The following TANC1 variants were observed in gnomAD, a reference collection of about 807,000 sequenced individuals.
TANC1 encodes protein TANC1.
TANC1 carries 77 observed loss-of-function variants against 149.7 expected under a neutral mutation model. That is an observed-to-expected ratio of 0.51 (90% CI 0.43 to 0.62). The LOEUF (loss-of-function observed/expected upper bound fraction) is 0.62, where lower values mean the gene tolerates loss of function less well. TANC1 is among the 20% of genes least tolerant of loss of function. TANC1 has a pLI of 0.00. For missense variants in TANC1, 1,985 were observed against 2,321.8 expected (o/e 0.85, Z 2.98); for synonymous variants, 854 against 925.0 (o/e 0.92, Z 1.39).
At position 159,216,624 on chromosome 2, in the gene TANC1, G is replaced by A. The variant is rs552187541; in HGVS notation, c.3245-873G>A. Among the ~76,000 whole-genome samples the A allele has an allele frequency of 2.4e-3, 363 of 152,278 alleles. 2 individuals carry two copies. Among genetic ancestry groups the A allele is most frequent in the Non-Finnish European group, 4.7e-3 (318 of 68,028 alleles). On this transcript the variant is annotated intron_variant, in intron 19 of 26. Coordinates refer to ENST00000263635, the MANE Select transcript of TANC1 (RefSeq NM_033394.3). ...AGTGGGGATGCCCAGGCTGACGGGAGGGTGTCGTGAGTACCCCGCCTCGTT... is the reference window on the plus strand; with the variant it reads ...AGTGGGGATGCCCAGGCTGACGGGAAGGTGTCGTGAGTACCCCGCCTCGTT...
chr2:159,084,298 T>C (rs374472122), intron 3 of TANC1, among the ~76,000 whole-genome samples: 130 of 150,158 alleles, frequency 8.7e-4, no homozygotes, highest in South Asian at 4.9e-3. Flanking sequence ...CACTCCTAGC[T>C]CCCCCCCCAA....
chr2:158,998,775 C>T (rs924852410), intron 1 of TANC1, among the ~76,000 whole-genome samples: 36 of 152,298 alleles, frequency 2.4e-4, no homozygotes, highest in Admixed American at 2.0e-3. Context: ...AACTGAGCTA[C>T]TAAAGTTGTA....
chr2:158,985,051 G>C (rs923714819), intron 1 of TANC1, among the ~76,000 whole-genome samples: 3 of 152,186 alleles, frequency 2.0e-5, no homozygotes, highest in African/African-American at 7.2e-5. Context: ...GTGTGGAGGA[G>C]AGACTGGCGT....
At chr2:158,998,964 A>T (rs2036389734) in intron 1 of TANC1, among the ~76,000 whole-genome samples, 1 of 152,190 alleles carries the variant, frequency 6.6e-6, no homozygotes, top group African/African-American at 2.4e-5. Flanking sequence ...TTATGCAGAA[A>T]GGACAGAAAT....
chr2:159,225,545 C>A, intron 23 of TANC1, 143 bp from the exon 24 acceptor site: 1 of 657,858 alleles, frequency 1.5e-6, no homozygotes, highest in African/African-American at 1.8e-5. Context: ...GCCTCGCCGG[C>A]GTCCTGCTCC....
At chr2:159,155,948 C>A (rs2150354635) in intron 7 of TANC1, among the ~76,000 whole-genome samples, 1 of 152,290 alleles carries the variant, frequency 6.6e-6, no homozygotes, top group East Asian at 1.9e-4. Flanking sequence ...TCTCCTACCT[C>A]CTGCTAGGCT....
At chr2:159,102,367 C>T (rs2046808674) in intron 4 of TANC1, among the ~76,000 whole-genome samples, 1 of 151,514 alleles carries the variant, frequency 6.6e-6, no homozygotes, top group Non-Finnish European at 1.5e-5. Context: ...GTAGCCTCAA[C>T]CTCCTGGGCT....
intron 1 of TANC1, among the ~76,000 whole-genome samples, chr2:158,977,319 T>C (rs1041960163): frequency 6.6e-6 from 1 of 150,538 alleles, no homozygotes; most frequent in South Asian, 2.1e-4. Context: ...TAAAAAAAAA[T>C]TTTTTTTTTG....
In TANC1 at chr2:159,027,380, A is replaced by G. The variant is rs539768929; in HGVS notation, c.-16+26191A>G. ...CACAAAGACCTAGGACATGGACACAATTTAGCCAAGCTTGTTGCTACTTTG... is the reference window on the plus strand; with the variant it reads ...CACAAAGACCTAGGACATGGACACAGTTTAGCCAAGCTTGTTGCTACTTTG... On this transcript the variant is annotated intron_variant, in intron 2 of 26. Coordinates refer to ENST00000263635, the MANE Select transcript of TANC1 (RefSeq NM_033394.3). Among the ~76,000 whole-genome samples the G allele has an allele frequency of 4.3e-4, 65 of 152,330 alleles. 1 individual carries two copies. The South Asian group carries it at 0.012, about 29-fold the overall frequency.
chr2:159,153,959 C>A (rs1195066707), intron 7 of TANC1, among the ~76,000 whole-genome samples: 1 of 152,196 alleles, frequency 6.6e-6, no homozygotes, highest in Non-Finnish European at 1.5e-5. Context: ...TTTGGAAGAC[C>A]TAACAGTGGC....
chr2:159,224,186 G>A (rs1414875107), intron 22 of TANC1, 46 bp from the exon 23 acceptor site: 1 of 1,611,086 alleles, frequency 6.2e-7, no homozygotes, highest in Admixed American at 1.7e-5. Context: ...GTGCGCCCCT[G>A]AACTCCTGTT....
In TANC1 at chr2:159,178,764, ACCTGTACCTCAAGCTCAC is replaced by A; in HGVS notation, c.2116_2133del (p.Tyr706_Leu711del). The A allele has an allele frequency of 6.2e-7, 1 of 1,614,180 alleles. No individual in the cohort carries two copies. ...CTGGTGCTGCGGAGCCTCGGCTCCT[ACCTGTACCTCAAGCTCAC>A]CCTGGACCTTTTCCAGAGGGGCCAC... On this transcript the variant is annotated inframe_deletion, in exon 14 of 27. Coordinates refer to ENST00000263635, the MANE Select transcript of TANC1 (RefSeq NM_033394.3).
chr2:158,984,003 G>A (rs999770117), intron 1 of TANC1, among the ~76,000 whole-genome samples: 3 of 152,136 alleles, frequency 2.0e-5, no homozygotes, highest in Non-Finnish European at 4.4e-5. Context: ...CCAAGTCTTG[G>A]GACTTTGGCT....
chr2:159,109,123 C>T (rs989153363), intron 4 of TANC1, among the ~76,000 whole-genome samples: 21 of 152,148 alleles, frequency 1.4e-4, no homozygotes, highest in African/African-American at 4.8e-4. Context: ...AGTTCACCAC[C>T]CTAAATCCAG....
chr2:159,165,816 G>A (rs553063022), intron 8 of TANC1, among the ~76,000 whole-genome samples: 1 of 152,378 alleles, frequency 6.6e-6, no homozygotes, highest in East Asian at 1.9e-4. Context: ...GGTAAAGGAA[G>A]GGTGATGCCA....
intron 2 of TANC1, among the ~76,000 whole-genome samples, chr2:159,022,000 T>C (rs920914285): frequency 6.6e-6 from 1 of 152,212 alleles, no homozygotes; most frequent in African/African-American, 2.4e-5. Flanking sequence ...GATAAATTAA[T>C]GGAGAGATCA....
At chr2:159,179,915 T>A (rs1356589998) in intron 14 of TANC1, among the ~76,000 whole-genome samples, 1 of 152,172 alleles carries the variant, frequency 6.6e-6, no homozygotes, top group Admixed American at 6.5e-5. Flanking sequence ...GGCCCTGGCT[T>A]TGGCCTGTGT....
intron 3 of TANC1, among the ~76,000 whole-genome samples, chr2:159,070,772 T>A (rs918655576): frequency 6.6e-6 from 1 of 152,184 alleles, no homozygotes; most frequent in South Asian, 2.1e-4. Flanking sequence ...CACCACCATA[T>A]GCATTGTGGA....
intron 2 of TANC1, chr2:159,056,039 G>A (rs2041824964): frequency 6.2e-6 from 2 of 320,460 alleles, no homozygotes; most frequent in South Asian, 3.6e-5. Context: ...TTGTTGATAG[G>A]CATCTTCAAG....
Sources: gnomAD v4.1 joint callset for allele counts (sites outside exome capture counted in the v4.1 genomes callset) on GRCh38, gnomAD v4.1.1 for gene constraint, MANE v1.5 for transcripts, NCBI Gene and HGNC (gene_info 2026-07-23, HGNC 2026-07-21) for gene names.